ZBTB16: variants seen among roughly 807,000 people sequenced by gnomAD.
ZBTB16 encodes the protein zinc finger and BTB domain containing 16.
In ZBTB16, 8 loss-of-function variants were observed where a neutral mutation model predicts 56.8. The ratio of observed to expected loss-of-function variants is 0.14; its 90% CI spans 0.08 to 0.25. The LOEUF is 0.25. ZBTB16 is among the 10% of genes least tolerant of loss of function. ZBTB16 has a pLI of 1.00. For missense variants in ZBTB16, 625 were observed against 903.0 expected (o/e 0.69, Z 3.95); for synonymous variants, 363 against 368.5 (o/e 0.98, Z 0.17).
intron 2 of ZBTB16, among the ~76,000 whole-genome samples, chr11:114,115,817 A>G (rs1471106219): frequency 6.6e-6 from 1 of 152,198 alleles, no homozygotes; most frequent in Non-Finnish European, 1.5e-5. Context: ...GGAGAAGGAC[A>G]GAGAGGCAGG....
intron 4 of ZBTB16, among the ~76,000 whole-genome samples, chr11:114,206,426 G>A (rs996086283): frequency 6.6e-6 from 1 of 152,118 alleles, no homozygotes; most frequent in African/African-American, 2.4e-5. Flanking sequence ...CCACAACTCT[G>A]TGCCATCTCC....
intron 2 of ZBTB16, among the ~76,000 whole-genome samples, chr11:114,097,835 AT>A (rs916936783): frequency 1.3e-5 from 2 of 151,680 alleles, no homozygotes; most frequent in African/African-American, 2.4e-5. Flanking sequence ...TTCCGCTCTG[AT>A]TTTTTTTTCT....
intron 4 of ZBTB16, among the ~76,000 whole-genome samples, chr11:114,230,955 G>A (rs1171754214): frequency 2.6e-5 from 4 of 151,966 alleles, no homozygotes; most frequent in Non-Finnish European, 5.9e-5. Context: ...AATACATTGG[G>A]GTTTACTGGA....
intron 4 of ZBTB16, among the ~76,000 whole-genome samples, chr11:114,233,105 ACACACACACACACACACACACTCT>A (rs1338899429): frequency 1.2e-4 from 5 of 42,534 alleles, no homozygotes; most frequent in Middle Eastern, 0.012. Flanking sequence ...ACACACACAC[ACACACACACACACACACACACTCT>A]CTCTCTCTCA....
Position 114,244,862 on chromosome 11 carries a change from C to T in ZBTB16, c.1625-2336C>T, listed in dbSNP as rs547967312. 1.6e-4 allele frequency among the ~76,000 whole-genome samples: 25 copies of T among 152,296 alleles called. 1 individual carries two copies. The South Asian group carries it at 2.7e-3, about 16-fold the overall frequency. On this transcript the variant is annotated intron_variant, in intron 5 of 6. Coordinates refer to ENST00000335953, the MANE Select transcript of ZBTB16 (RefSeq NM_006006.6). Reference sequence around the variant, plus strand: ...CAGCCGCCCCCTTCCCCCCCACCGCCGCCTTCACCCCCACCCGGCTGGGTG... The same window carrying T: ...CAGCCGCCCCCTTCCCCCCCACCGCTGCCTTCACCCCCACCCGGCTGGGTG...
intron 4 of ZBTB16, among the ~76,000 whole-genome samples, chr11:114,217,062 C>A (rs1944119324): frequency 6.6e-6 from 1 of 152,044 alleles, no homozygotes; most frequent in African/African-American, 2.4e-5. Flanking sequence ...AGAAAGTAGC[C>A]AGGATGAAGG....
chr11:114,111,782 G>A (rs1941013275), intron 2 of ZBTB16, among the ~76,000 whole-genome samples: 1 of 152,148 alleles, frequency 6.6e-6, no homozygotes, highest in African/African-American at 2.4e-5. Flanking sequence ...TTTGTTGTGG[G>A]TGGTTTTCCT....
At chr11:114,070,281 T>C (rs1939296581) in intron 2 of ZBTB16, among the ~76,000 whole-genome samples, 1 of 150,948 alleles carries the variant, frequency 6.6e-6, no homozygotes, top group South Asian at 2.1e-4. Flanking sequence ...GCTAATTTTT[T>C]GTATTTTTAG....
intron 4 of ZBTB16, among the ~76,000 whole-genome samples, chr11:114,232,339 C>G (rs1421059467): frequency 6.6e-6 from 1 of 152,182 alleles, no homozygotes; most frequent in African/African-American, 2.4e-5. Context: ...CTTTAGGAAC[C>G]CTGAGAGTAA....
chr11:114,155,709 C>T (rs1163489925), intron 2 of ZBTB16, among the ~76,000 whole-genome samples: 1 of 152,216 alleles, frequency 6.6e-6, no homozygotes, highest in Non-Finnish European at 1.5e-5. Context: ...AGGGAAGACA[C>T]TTCTAAAGCT....
intron 2 of ZBTB16, among the ~76,000 whole-genome samples, chr11:114,110,237 G>A (rs962765154): frequency 2.0e-5 from 3 of 152,128 alleles, no homozygotes; most frequent in Admixed American, 6.5e-5. Flanking sequence ...TGGAGATGTG[G>A]AGCATTTCAG....
At chr11:114,076,472 G>T (rs941759481) in intron 2 of ZBTB16, among the ~76,000 whole-genome samples, 2 of 152,104 alleles carry the variant, frequency 1.3e-5, no homozygotes, top group Admixed American at 1.3e-4. Context: ...CTCTTGCCCC[G>T]CTTAGAGCCG....
At chr11:114,061,781 C>T (rs1938881155) in intron 1 of ZBTB16, among the ~76,000 whole-genome samples, 1 of 152,152 alleles carries the variant, frequency 6.6e-6, no homozygotes, top group Non-Finnish European at 1.5e-5. Context: ...CCTGTCTTCC[C>T]TTCGTACTGG....
intron 4 of ZBTB16, chr11:114,237,479 C>T (rs1301926603): frequency 6.6e-6 from 1 of 152,258 alleles, no homozygotes; most frequent in Non-Finnish European, 1.5e-5. Context: ...TGACGTCTCT[C>T]CATAGCAGAG....
chr11:114,230,446 CTG>C (rs1446150981), intron 4 of ZBTB16, among the ~76,000 whole-genome samples: 1 of 152,100 alleles, frequency 6.6e-6, no homozygotes, highest in Non-Finnish European at 1.5e-5. Context: ...CAGTATCTGT[CTG>C]CACTTTTCCC....
intron 3 of ZBTB16, among the ~76,000 whole-genome samples, chr11:114,174,257 A>G (rs1544264): frequency 6.6e-6 from 1 of 151,754 alleles, no homozygotes; most frequent in Non-Finnish European, 1.5e-5. Context: ...CTTAATAGGC[A>G]AAGGACTCAG....
chr11:114,197,057 G>A (rs983880531), intron 4 of ZBTB16, among the ~76,000 whole-genome samples: 1 of 152,094 alleles, frequency 6.6e-6, no homozygotes, highest in African/African-American at 2.4e-5. Flanking sequence ...TTGAAAAAGG[G>A]GGTCAGTTAA....
intron 2 of ZBTB16, among the ~76,000 whole-genome samples, chr11:114,141,265 C>T (rs751522572): frequency 9.2e-5 from 14 of 152,318 alleles, no homozygotes; most frequent in African/African-American, 2.6e-4. Context: ...TAGAACCCTT[C>T]GGAGCTTCCA....
rs981623314 is a variant in ZBTB16 at position 114,252,652 on chromosome 11, C to T, written c.*2097C>T. Reference sequence around the variant, plus strand: ...TTTATTATTATTTTTTCTTTCCTTTCTCTCTCTGAGAAAGTTGTGGCTGCG... The same window carrying T: ...TTTATTATTATTTTTTCTTTCCTTTTTCTCTCTGAGAAAGTTGTGGCTGCG... On this transcript the variant is annotated 3_prime_UTR_variant, in exon 7 of 7. Transcript: ENST00000335953. Among the ~76,000 whole-genome samples the T allele has an allele frequency of 2.6e-5, 4 of 152,102 alleles. No homozygotes were observed. Among genetic ancestry groups the T allele is most frequent in the Non-Finnish European group, 5.9e-5 (4 of 68,024 alleles).
Sources: allele counts gnomAD v4.1 joint callset (sites outside exome capture counted in the v4.1 genomes callset), GRCh38; gene constraint gnomAD v4.1.1; transcripts MANE v1.5; gene names NCBI Gene and HGNC (gene_info 2026-07-23, HGNC 2026-07-21).